SPEF2: variants seen among roughly 807,000 people sequenced by gnomAD.
SPEF2 encodes sperm flagella and cilia-associated protein 2.
In SPEF2, 187 loss-of-function variants were observed where a neutral mutation model predicts 224.6. The observed-to-expected ratio is 0.83, with a 90% CI of 0.74 to 0.94. SPEF2 has a LOEUF of 0.94. Ranked by LOEUF, SPEF2 falls within the 40% of genes least tolerant of loss-of-function variation. The pLI, the probability that SPEF2 is intolerant of heterozygous loss-of-function variation, is 0.00. For missense variants in SPEF2, 2,170 were observed against 2,135.6 expected (o/e 1.02, Z -0.32); for synonymous variants, 715 against 707.3 (o/e 1.01, Z -0.17).
chr5:35,763,616 C>T lies in SPEF2; in HGVS notation c.3715C>T (p.Leu1239=). ...SVLKGKMDNS[L]ENVESNFEAD... Reference sequence around the variant, plus strand: ...ACTGAAGGGCAAGATGGATAACTCCCTAGAAAACGTTGAGTCCAACTTTGA... The same window carrying T: ...ACTGAAGGGCAAGATGGATAACTCCTTAGAAAACGTTGAGTCCAACTTTGA... The change falls in exon 26 of 37, where the codon CTA becomes TTA. Residue 1239 remains leucine, a synonymous_variant. Transcript: ENST00000356031. 1 of 1,613,940 alleles carries T rather than the reference C, an allele frequency of 6.2e-7. No individual in the cohort carries two copies. Among genetic ancestry groups the T allele is most frequent in the Non-Finnish European group, 8.5e-7 (1 of 1,179,920 alleles).
intron 21 of SPEF2, among the ~76,000 whole-genome samples, chr5:35,728,047 G>A (rs1048518534): frequency 6.6e-6 from 1 of 151,964 alleles, no homozygotes; most frequent in African/African-American, 2.4e-5. Context: ...TAAAATGGGG[G>A]GAACAAATGG....
intron 10 of SPEF2, chr5:35,684,176 G>A (rs1753239816): frequency 6.6e-6 from 1 of 152,044 alleles, no homozygotes; most frequent in Non-Finnish European, 1.5e-5. Context: ...AAGCTCTTTA[G>A]CTCATTGTAG....
chr5:35,696,107 AC>A (rs1755276530), intron 14 of SPEF2, among the ~76,000 whole-genome samples: 1 of 152,160 alleles, frequency 6.6e-6, no homozygotes, highest in South Asian at 2.1e-4. Flanking sequence ...TTTCGCTCAT[AC>A]CCTCTTTACC....
At chr5:35,640,448 A>G (rs934827633) in intron 2 of SPEF2, among the ~76,000 whole-genome samples, 1 of 152,192 alleles carries the variant, frequency 6.6e-6, no homozygotes, top group Non-Finnish European at 1.5e-5. Flanking sequence ...TGATTTGACT[A>G]TCTTCTTTCA....
intron 30 of SPEF2, among the ~76,000 whole-genome samples, chr5:35,781,169 TA>T (rs1047121971): frequency 6.6e-6 from 1 of 151,844 alleles, no homozygotes; most frequent in Non-Finnish European, 1.5e-5. Flanking sequence ...TTTATTTTTT[TA>T]AAAGCAGAGT....
rs781630516 is a variant in SPEF2 at position 35,790,073 on chromosome 5, C to T, written c.4448-2267C>T. On this transcript the variant is annotated intron_variant, in intron 30 of 36. Transcript: ENST00000356031. The stretch of plus-strand genomic sequence containing the variant: ...CCTGGGATTTTGTGAATTCCATTTA[C>T]TTACACAAGTATCCAAATATCCTGA... 1.8e-4 allele frequency: 123 copies of T among 702,744 alleles called. 1 individual carries two copies. The highest frequency in any genetic ancestry group is 2.2e-4 in the Non-Finnish European group (83 of 384,946). 43.5% of individuals were successfully genotyped at this position (702,744 alleles called of 1,614,324 possible). A position where few individuals can be genotyped will look rare whatever the true frequency, so the allele number is the denominator to read the frequency against.
intron 3 of SPEF2, among the ~76,000 whole-genome samples, chr5:35,644,020 G>A (rs1746986278): frequency 6.6e-6 from 1 of 151,418 alleles, no homozygotes; most frequent in Admixed American, 6.6e-5. Context: ...TGTTAAAGTT[G>A]GTTTAATGAA....
intron 1 of SPEF2, among the ~76,000 whole-genome samples, chr5:35,623,070 A>G (rs1457045662): frequency 1.3e-5 from 2 of 152,220 alleles, no homozygotes; most frequent in Non-Finnish European, 2.9e-5. Flanking sequence ...TGTTGTAACA[A>G]GGGAGAACAT....
intron 25 of SPEF2, among the ~76,000 whole-genome samples, chr5:35,763,236 A>G (rs1263264198): frequency 1.3e-5 from 2 of 152,166 alleles, no homozygotes; most frequent in East Asian, 1.9e-4. Context: ...TTTCTTTATA[A>G]TGGCCACTGT....
chr5:35,702,130 G>A (rs896282695), intron 16 of SPEF2: 3 of 455,222 alleles, frequency 6.6e-6, no homozygotes, highest in African/African-American at 4.0e-5. Flanking sequence ...CAAGGCAAAT[G>A]TGTCATCCAA....
chr5:35,713,462 G>A (rs532777792), intron 20 of SPEF2, among the ~76,000 whole-genome samples: 5 of 151,960 alleles, frequency 3.3e-5, no homozygotes, highest in East Asian at 3.9e-4. Flanking sequence ...GGAGCTGGGC[G>A]CAGTGGCTCA....
At chr5:35,773,636 C>T (rs1753188065) in intron 27 of SPEF2, among the ~76,000 whole-genome samples, 1 of 152,064 alleles carries the variant, frequency 6.6e-6, no homozygotes, top group Non-Finnish European at 1.5e-5. Flanking sequence ...TTTGCACTTG[C>T]TACATACCTT....
intron 21 of SPEF2, among the ~76,000 whole-genome samples, chr5:35,729,960 T>C (rs1745360333): frequency 6.6e-6 from 1 of 152,218 alleles, no homozygotes; most frequent in African/African-American, 2.4e-5. Flanking sequence ...TTAAACCTTT[T>C]TCTTCCCAGT....
Position 35,659,078 on chromosome 5 carries a change from C to G in SPEF2, c.1038C>G (p.Arg346=). The change falls in exon 8 of 37, where the codon CGC becomes CGG. Residue 346 remains arginine (R), a synonymous_variant. Transcript: ENST00000356031. ...TGATGCGGCAGTCCCAGCAGGAGCG[C>G]AGGATTGCCGTGCAGCTCATGCATG... ...NRLMRQSQQE[R]RIAVQLMHVR... is the part of the protein sequence containing the mutation. 6.2e-7 allele frequency: 1 copy of G among 1,610,064 alleles called. No individual in the cohort carries two copies.
chr5:35,709,913 G>A (rs919476079), intron 19 of SPEF2: 1 of 985,192 alleles, frequency 1.0e-6, no homozygotes, highest in Non-Finnish European at 1.2e-6. Context: ...GTCTACCTAA[G>A]TATCTTTGAT....
rs10043875 is a variant in SPEF2 at position 35,739,858 on chromosome 5, A to G, written c.3064-61A>G. On this transcript the variant is annotated intron_variant, in intron 21 of 36. Coordinates refer to ENST00000356031, the MANE Select transcript of SPEF2 (RefSeq NM_024867.4). The stretch of plus-strand genomic sequence containing the variant: ...TTTTGCTTGGGACTGTTCTTTTGAC[A>G]CTATTATTCAGAAGAACTTTCATTT... 0.94 allele frequency: 1,484,893 copies of G among 1,586,816 alleles called. 695,410 individuals carry two copies. Among genetic ancestry groups the G allele is most frequent in the South Asian group, 0.99 (85,096 of 85,980 alleles).
chr5:35,801,545 G>A (rs1757426595), intron 34 of SPEF2, among the ~76,000 whole-genome samples: 1 of 152,140 alleles, frequency 6.6e-6, no homozygotes, highest in Admixed American at 6.5e-5. Context: ...TAAGTGAGGA[G>A]TTAGGTATGA....
At chr5:35,772,138 C>A (rs2149784358) in intron 27 of SPEF2, among the ~76,000 whole-genome samples, 1 of 152,280 alleles carries the variant, frequency 6.6e-6, no homozygotes, top group East Asian at 1.9e-4. Flanking sequence ...AGGGGCAAGT[C>A]CTTTTCTCTT....
chr5:35,702,637 G>A (rs1414846980), intron 16 of SPEF2, among the ~76,000 whole-genome samples: 1 of 152,128 alleles, frequency 6.6e-6, no homozygotes, highest in Non-Finnish European at 1.5e-5. Flanking sequence ...TCGAGCAGAT[G>A]CATATTAGTG....
Sources: allele counts gnomAD v4.1 joint callset (sites outside exome capture counted in the v4.1 genomes callset), GRCh38; gene constraint gnomAD v4.1.1; transcripts MANE v1.5; gene names NCBI Gene and HGNC (gene_info 2026-07-23, HGNC 2026-07-21).